The following ADCY9 variants were observed in gnomAD, a reference collection of about 807,000 sequenced individuals.
ADCY9 encodes adenylate cyclase type 9.
In ADCY9, 50 loss-of-function variants were observed where a neutral mutation model predicts 101.5. That is an observed-to-expected ratio of 0.49 (90% confidence interval 0.39 to 0.62). ADCY9 has a LOEUF of 0.62. Among genes scored for constraint, ADCY9 ranks in the 20% least tolerant of loss-of-function variants. ADCY9 has a pLI of 0.00. For synonymous variants in ADCY9, 905 were observed against 769.3 expected, an observed-to-expected ratio of 1.18 and a Z score of -2.92; for missense variants, 1,662 against 1,800.4, an observed-to-expected ratio of 0.92 and a Z score of 1.39.
At chr16:4,066,149 C>T (rs1207423619) in intron 2 of ADCY9, among the ~76,000 whole-genome samples, 2 of 152,178 alleles carry the variant, frequency 1.3e-5, no homozygotes, top group African/African-American at 4.8e-5. Flanking sequence ...CTATGATGGG[C>T]AATGGGGACG....
intron 3 of ADCY9, among the ~76,000 whole-genome samples, chr16:3,998,382 G>C (rs538313191): frequency 1.3e-5 from 2 of 152,174 alleles, no homozygotes; most frequent in African/African-American, 4.8e-5. Context: ...CTGTACTGCA[G>C]ACTGGGTCAT....
intron 2 of ADCY9, among the ~76,000 whole-genome samples, chr16:4,092,781 C>T (rs1203743432): frequency 3.3e-5 from 5 of 152,176 alleles, no homozygotes; most frequent in South Asian, 2.1e-4. Flanking sequence ...ACTCCTTAGC[C>T]CTTTCCATCA....
At chr16:4,019,227 C>A (rs572712486) in intron 2 of ADCY9, among the ~76,000 whole-genome samples, 1 of 152,082 alleles carries the variant, frequency 6.6e-6, no homozygotes, top group Non-Finnish European at 1.5e-5. Flanking sequence ...AGTGATCCTC[C>A]GGCCTCAGCC....
intron 5 of ADCY9, among the ~76,000 whole-genome samples, chr16:3,990,264 G>C (rs996489360): frequency 1.3e-5 from 2 of 152,014 alleles, no homozygotes; most frequent in African/African-American, 4.8e-5. Flanking sequence ...TCAGGAGCTC[G>C]GGACCAGCCT....
At position 4,008,482 on chromosome 16, in the gene ADCY9, A is replaced by C. The variant is rs2056382104; in HGVS notation, c.1694-924T>G. ...TGGCAAATGTATCGGAAGGAGGGAC[A>C]ATGTAATTTAACATTTAAATAACAT... On this transcript the variant is annotated intron_variant, in intron 2 of 10. Transcript: ENST00000294016. Among the ~76,000 whole-genome samples the C allele has an allele frequency of 2.0e-5, 3 of 152,202 alleles. No individual in the cohort carries two copies. The South Asian group carries it at 6.2e-4, about 32-fold the overall frequency.
Position 4,043,813 on chromosome 16 carries a change from T to G in ADCY9, c.1694-36255A>C, listed in dbSNP as rs959668417. 5.9e-5 allele frequency among the ~76,000 whole-genome samples: 9 copies of G among 152,198 alleles called. No homozygotes were observed. The South Asian group carries it at 1.4e-3, about 25-fold the overall frequency. On this transcript the variant is annotated intron_variant, in intron 2 of 10. Transcript: ENST00000294016. ...AATTAAGAAAAGTACAGTTAGGCTT[T>G]GGTAAAACAGTCTGCCAAAATTTAA...
chr16:3,993,990 G>T (rs895461252), intron 3 of ADCY9, among the ~76,000 whole-genome samples: 2 of 152,152 alleles, frequency 1.3e-5, no homozygotes, highest in East Asian at 3.9e-4. Context: ...GGGGCAGGAA[G>T]GGGGAGTGGC....
Position 3,993,404 on chromosome 16 carries a change from A to C in ADCY9, c.1989+2T>G. ...CAGGAACAACAGCCATGAGCTTGTT[A>C]CCTTGGTGCTGTTTTTATGCTCGTC... is the stretch of plus-strand genomic sequence containing the variant. On this transcript the variant is annotated splice_donor_variant, in intron 4 of 10. Coordinates refer to ENST00000294016, the MANE Select transcript of ADCY9 (RefSeq NM_001116.4). LOFTEE classifies it high-confidence loss of function. 1 of 1,613,754 alleles carries C rather than the reference A, an allele frequency of 6.2e-7. No individual in the cohort carries two copies. Among genetic ancestry groups the C allele is most frequent in the Non-Finnish European group, 8.5e-7 (1 of 1,179,612 alleles).
rs138251888 is a variant in ADCY9 at position 4,035,478 on chromosome 16, A to G, written c.1694-27920T>C. Among the ~76,000 whole-genome samples, 134 of 152,288 alleles carry G rather than the reference A, an allele frequency of 8.8e-4. 1 individual carries two copies. Among genetic ancestry groups the G allele is most frequent in the African/African-American group, 3.0e-3 (124 of 41,552 alleles). On this transcript the variant is annotated intron_variant, in intron 2 of 10. Transcript: ENST00000294016. ...CAGAGTGATTATGGGTGCCCACTCA[A>G]AAGTCAGCCATACTCAATTATACAC...
At chr16:4,051,429 C>A (rs531291177) in intron 2 of ADCY9, among the ~76,000 whole-genome samples, 10 of 151,200 alleles carry the variant, frequency 6.6e-5, no homozygotes, top group Non-Finnish European at 1.5e-4. Flanking sequence ...GAGACTGAGG[C>A]GGGAGAATGG....
intron 2 of ADCY9, among the ~76,000 whole-genome samples, chr16:4,031,501 T>C (rs1452658765): frequency 6.6e-6 from 1 of 152,212 alleles, no homozygotes; most frequent in Admixed American, 6.5e-5. Context: ...GGCAAAATGT[T>C]AACCACGGGT....
At chr16:4,078,063 A>T (rs2056879105) in intron 2 of ADCY9, among the ~76,000 whole-genome samples, 1 of 152,136 alleles carries the variant, frequency 6.6e-6, no homozygotes, top group Non-Finnish European at 1.5e-5. Context: ...AAAGAAAAAT[A>T]ACATGTTCAG....
intron 3 of ADCY9, among the ~76,000 whole-genome samples, chr16:3,998,302 T>C (rs1383911671): frequency 6.6e-6 from 1 of 152,074 alleles, no homozygotes; most frequent in Non-Finnish European, 1.5e-5. Flanking sequence ...TCCCAGCTAC[T>C]CAGGAGGCTG....
chr16:4,013,312 T>G (rs982842554), intron 2 of ADCY9, among the ~76,000 whole-genome samples: 2 of 151,050 alleles, frequency 1.3e-5, no homozygotes, highest in South Asian at 4.2e-4. Context: ...TCCCAGCTAC[T>G]TGGGAGGCTG....
chr16:4,097,319 C>T (rs1032573213), intron 2 of ADCY9, among the ~76,000 whole-genome samples: 7 of 151,626 alleles, frequency 4.6e-5, no homozygotes, highest in Non-Finnish European at 8.8e-5. Context: ...CAAGACCCTC[C>T]GGAGCCTCTA....
intron 2 of ADCY9, among the ~76,000 whole-genome samples, chr16:4,077,866 G>C (rs912888598): frequency 6.6e-6 from 1 of 151,326 alleles, no homozygotes; most frequent in Admixed American, 6.6e-5. Context: ...AGCCAGGCGT[G>C]GTGGTGCACA....
At position 4,003,525 on chromosome 16, in the gene ADCY9, C is replaced by G. The variant is rs376371617; in HGVS notation, c.1884+3843G>C. 2.6e-5 allele frequency among the ~76,000 whole-genome samples: 4 copies of G among 151,840 alleles called. 1 individual carries two copies. Among genetic ancestry groups the G allele is most frequent in the African/African-American group, 9.6e-5 (4 of 41,486 alleles). ...CCACCGCACTGAAGAGGAAAACTCT[C>G]ACTTAGAGGAATTAAGTGTGTGTTT... is the stretch of plus-strand genomic sequence containing the variant. On this transcript the variant is annotated intron_variant, in intron 3 of 10. Transcript: ENST00000294016.
At chr16:4,019,155 A>T (rs549605419) in intron 2 of ADCY9, among the ~76,000 whole-genome samples, 45 of 151,550 alleles carry the variant, frequency 3.0e-4, no homozygotes, top group East Asian at 2.5e-3. Flanking sequence ...TTAAAAAAAA[A>T]TTTTTTTTTA....
chr16:4,101,756 C>A (rs62039261), intron 2 of ADCY9, among the ~76,000 whole-genome samples: 1 of 152,094 alleles, frequency 6.6e-6, no homozygotes, highest in African/African-American at 2.4e-5. Context: ...TGAAAAAAAC[C>A]ACTCTAGTTC....
Sources: gnomAD v4.1 joint callset for allele counts (sites outside exome capture counted in the v4.1 genomes callset) on GRCh38, gnomAD v4.1.1 for gene constraint, MANE v1.5 for transcripts, NCBI Gene and HGNC (gene_info 2026-07-23, HGNC 2026-07-21) for gene names.